Variants in RYR2 observed in about 807,000 individuals in gnomAD.
The protein encoded by RYR2 is cardiac muscle ryanodine receptor-calcium release channel.
A neutral mutation model predicts 601.1 loss-of-function variants in RYR2; 227 were observed. The ratio of observed to expected loss-of-function variants is 0.38; its 90% CI spans 0.34 to 0.42. RYR2 has a LOEUF of 0.42. Among genes scored for constraint, RYR2 ranks in the 10% least tolerant of loss-of-function variants. The pLI, the probability that RYR2 is intolerant of heterozygous loss-of-function variation, is 1.00. For synonymous variants in RYR2, 2,223 were observed against 2,175.1 expected (o/e 1.02, Z -0.61); for missense variants, 4,646 against 6,156.5 (o/e 0.75, Z 8.21).
At chr1:237,661,486 A>AACCT (rs1268023964) in intron 56 of RYR2, among the ~76,000 whole-genome samples, 1 of 152,160 alleles carries the variant, frequency 6.6e-6, no homozygotes, top group African/African-American at 2.4e-5. Context: ...CCCAGAACTT[A>AACCT]AAGTATAATA....
intron 1 of RYR2, among the ~76,000 whole-genome samples, chr1:237,169,534 G>A (rs930214475): frequency 1.0e-4 from 2 of 19,712 alleles, no homozygotes; most frequent in South Asian, 1.3e-3. Context: ...TCCTGACCTC[G>A]TGATCCATCA....
At chr1:237,198,446 T>C (rs1164467687) in intron 1 of RYR2, among the ~76,000 whole-genome samples, 1 of 150,784 alleles carries the variant, frequency 6.6e-6, no homozygotes, top group African/African-American at 2.4e-5. Context: ...CTTGATTTTT[T>C]TTTTTTTTTT....
In RYR2 at chr1:237,391,083, A is replaced by T. The variant is rs144984047; in HGVS notation, c.773+2900A>T. 1.0e-3 allele frequency among the ~76,000 whole-genome samples: 158 copies of T among 152,272 alleles called. 1 individual carries two copies. The East Asian group carries it at 0.029, about 28-fold the overall frequency. ...ATTATTTGAATAGAATGATAAAAAT[A>T]ATTCCTTGAATTTCACAATTATATA... On this transcript the variant is annotated intron_variant, in intron 10 of 104. Coordinates refer to ENST00000366574, the MANE Select transcript of RYR2 (RefSeq NM_001035.3).
rs974237678 is a variant in RYR2 at position 237,711,673 on chromosome 1, G to A, written c.10231-72G>A. ...TACTTATCTCTGTAAAAACTTGCAG[G>A]TTCTGTGTAACCTCTAATTACAAAG... is the stretch of plus-strand genomic sequence containing the variant. On this transcript the variant is annotated intron_variant, in intron 70 of 104. Coordinates refer to ENST00000366574, the MANE Select transcript of RYR2 (RefSeq NM_001035.3). The A allele has an allele frequency of 4.1e-6, 3 of 733,990 alleles. No homozygotes were observed. In the African/African-American group the frequency reaches 5.3e-5, roughly 13 times the overall value. 45.5% of individuals were successfully genotyped at this position (733,990 alleles called of 1,614,324 possible).
intron 101 of RYR2, 68 bp from the exon 102 acceptor site, chr1:237,828,313 G>C: frequency 9.0e-7 from 1 of 1,111,298 alleles, no homozygotes. Context: ...TTCCCTGGGG[G>C]GATTAGCCAA....
At position 237,206,079 on chromosome 1, in the gene RYR2, C is replaced by A. The variant is rs182847857; in HGVS notation, c.49-64418C>A. Among the ~76,000 whole-genome samples the A allele has an allele frequency of 1.4e-4, 22 of 152,352 alleles. No homozygotes were observed. The East Asian group carries it at 3.9e-3, about 27-fold the overall frequency. On this transcript the variant is annotated intron_variant, in intron 1 of 104. Transcript: ENST00000366574. ...TCCAGGAGCTCCGGGAAGAATATGA[C>A]TTCAAGAGGCAGAAGCCGGCTCACT...
chr1:237,125,042 T>C (rs1671255047), intron 1 of RYR2, among the ~76,000 whole-genome samples: 1 of 152,192 alleles, frequency 6.6e-6, no homozygotes, highest in East Asian at 1.9e-4. Flanking sequence ...AACTAATTCA[T>C]AGGCAGTAAT....
intron 10 of RYR2, among the ~76,000 whole-genome samples, chr1:237,388,629 T>C (rs893022971): frequency 6.6e-6 from 1 of 152,210 alleles, no homozygotes; most frequent in Admixed American, 6.5e-5. Flanking sequence ...ATAGAATTGA[T>C]CACTTTCTCT....
At chr1:237,340,919 G>T (rs1229619675) in intron 3 of RYR2, among the ~76,000 whole-genome samples, 3 of 152,168 alleles carry the variant, frequency 2.0e-5, no homozygotes. Context: ...GTGGAAATTT[G>T]TCTGTGGTTG....
At chr1:237,392,974 G>T (rs1702509937) in intron 10 of RYR2, among the ~76,000 whole-genome samples, 1 of 152,080 alleles carries the variant, frequency 6.6e-6, no homozygotes, top group Non-Finnish European at 1.5e-5. Flanking sequence ...GGCATATGCG[G>T]CAATAAATAC....
At chr1:237,259,740 T>C (rs1327909872) in intron 1 of RYR2, among the ~76,000 whole-genome samples, 2 of 152,118 alleles carry the variant, frequency 1.3e-5, no homozygotes, top group Non-Finnish European at 2.9e-5. Context: ...TCTTTTGCCC[T>C]TTTCACAGAA....
intron 42 of RYR2, among the ~76,000 whole-genome samples, chr1:237,631,890 C>G (rs1395009315): frequency 7.1e-6 from 1 of 140,924 alleles, no homozygotes; most frequent in Non-Finnish European, 1.6e-5. Context: ...GGCCTCCCCT[C>G]CCGAAGTGCT....
intron 10 of RYR2, among the ~76,000 whole-genome samples, chr1:237,405,803 T>A (rs986480486): frequency 1.3e-5 from 2 of 151,936 alleles, no homozygotes; most frequent in African/African-American, 4.8e-5. Context: ...AGGGTTCTGT[T>A]GTGCTGTTGC....
chr1:237,547,136 G>T (rs1669911507), intron 25 of RYR2, among the ~76,000 whole-genome samples: 1 of 151,494 alleles, frequency 6.6e-6, no homozygotes, highest in Admixed American at 6.6e-5. Context: ...CTCTCGAATA[G>T]CTGGGATTAC....
chr1:237,786,797 G>A (rs559084575), intron 91 of RYR2, among the ~76,000 whole-genome samples: 10 of 152,184 alleles, frequency 6.6e-5, no homozygotes, highest in Non-Finnish European at 1.3e-4. Flanking sequence ...TTCTCCCATA[G>A]CATTGAAATT....
chr1:237,796,678 A>C (rs1319746706), intron 96 of RYR2, among the ~76,000 whole-genome samples: 1 of 151,606 alleles, frequency 6.6e-6, no homozygotes, highest in Non-Finnish European at 1.5e-5. Flanking sequence ...TTGTATTTTC[A>C]CATTCTGTCT....
chr1:237,111,451 G>A (rs557577634), intron 1 of RYR2, among the ~76,000 whole-genome samples: 2 of 152,224 alleles, frequency 1.3e-5, no homozygotes, highest in South Asian at 2.1e-4. Flanking sequence ...AGCCGGGCGC[G>A]GTGGCAGGTG....
Position 237,240,665 on chromosome 1 carries a change from C to CAAAAAAAAAAAAAAAAA in RYR2, c.49-29824_49-29808dup, listed in dbSNP as rs35984919. ...GTTGTATTGCCCCCTCTATAAAAGC[C>CAAAAAAAAAAAAAAAAA]AAAAAAAAAAAAAAAAAAAAAAAAC... On this transcript the variant is annotated intron_variant, in intron 1 of 104. Transcript: ENST00000366574. Among the ~76,000 whole-genome samples, 5 of 55,158 alleles carry CAAAAAAAAAAAAAAAAA rather than the reference C, an allele frequency of 9.1e-5. 1 individual carries two copies. Among genetic ancestry groups the CAAAAAAAAAAAAAAAAA allele is most frequent in the Non-Finnish European group, 1.0e-4 (3 of 30,112 alleles). The allele number at this position is 55,158 out of a possible 152,430, so 36.2% of individuals were successfully genotyped here.
intron 97 of RYR2, among the ~76,000 whole-genome samples, chr1:237,798,663 C>T (rs768671168): frequency 1.3e-5 from 2 of 151,864 alleles, no homozygotes; most frequent in Admixed American, 6.6e-5. Context: ...AATAATATAC[C>T]ATCATACCAT....
Sources: allele counts gnomAD v4.1 joint callset (sites outside exome capture counted in the v4.1 genomes callset), GRCh38; gene constraint gnomAD v4.1.1; transcripts MANE v1.5; gene names NCBI Gene and HGNC (gene_info 2026-07-23, HGNC 2026-07-21).